The following FBXO38 variants were observed in gnomAD, a reference collection of about 807,000 sequenced individuals.
The protein encoded by FBXO38 is F-box protein 38, also known as F-box only protein 38.
FBXO38 carries 53 observed loss-of-function variants against 131.9 expected under a neutral mutation model. The observed-to-expected ratio is 0.40, with a 90% confidence interval of 0.32 to 0.51. FBXO38 has a LOEUF of 0.51. Ranked by LOEUF, FBXO38 falls within the 20% of genes least tolerant of loss-of-function variation. The probability of loss-of-function intolerance (pLI) is 0.53; values close to 1 mark genes in which losing one functional copy is unlikely to be tolerated. For missense variants in FBXO38, 1,076 were observed against 1,475.6 expected (o/e 0.73, Z 4.44); for synonymous variants, 452 against 505.6 (o/e 0.89, Z 1.42).
intron 17 of FBXO38, chr5:148,434,601 A>G (rs1754236277): frequency 6.6e-6 from 1 of 152,194 alleles, no homozygotes; most frequent in African/African-American, 2.4e-5. Flanking sequence ...ATGTTTGTGT[A>G]TGTGTATGTA....
intron 1 of FBXO38, among the ~76,000 whole-genome samples, chr5:148,390,545 G>C (rs1758147879): frequency 6.6e-6 from 1 of 152,126 alleles, no homozygotes; most frequent in South Asian, 2.1e-4. Context: ...CTAAAATTTT[G>C]TCAGTCCTGC....
intron 15 of FBXO38, 33 bp downstream of exon 15, chr5:148,427,980 G>A (rs1330431210): frequency 6.8e-7 from 1 of 1,463,954 alleles, no homozygotes; most frequent in Non-Finnish European, 9.0e-7. Context: ...AGCAACTGCA[G>A]GGTAGGGCTG....
rs1378969220 is a variant in FBXO38, at chr5:148,416,982, G to A, written c.1408-12G>A. 2.5e-6 allele frequency: 4 copies of A among 1,604,918 alleles called. No homozygotes were observed. The highest frequency in any genetic ancestry group is 3.3e-5 in the Admixed American group (2 of 59,946). On this transcript the variant is annotated splice_polypyrimidine_tract_variant and intron_variant, in intron 11 of 21. Transcript: ENST00000340253. ...CAAATTAATAAACGTATGTGTTTTG[G>A]TTTTGCCTTAGGGTTGTGCTCGAGT...
intron 12 of FBXO38, among the ~76,000 whole-genome samples, chr5:148,418,635 A>G (rs150550033): frequency 6.6e-6 from 1 of 152,204 alleles, no homozygotes; most frequent in East Asian, 1.9e-4. Context: ...TATGGTACAT[A>G]GTACAGGTTA....
intron 4 of FBXO38, 39 bp from the exon 5 acceptor site, chr5:148,402,309 A>G (rs1752202985): frequency 1.3e-6 from 2 of 1,575,638 alleles, no homozygotes; most frequent in South Asian, 1.2e-5. Flanking sequence ...ATGCTAAACT[A>G]AAGTCTTTTC....
chr5:148,408,487 T>C (rs1752562650), intron 7 of FBXO38, among the ~76,000 whole-genome samples: 1 of 152,222 alleles, frequency 6.6e-6, no homozygotes, highest in Non-Finnish European at 1.5e-5. Context: ...GGCAATAGAA[T>C]GGATAATTAA....
chr5:148,436,817 G>A (rs1176183657), intron 17 of FBXO38, among the ~76,000 whole-genome samples: 1 of 152,138 alleles, frequency 6.6e-6, no homozygotes, highest in African/African-American at 2.4e-5. Context: ...CTCTATCCCA[G>A]CCAATGTGGT....
chr5:148,435,848 T>C (rs1257410487), intron 17 of FBXO38, among the ~76,000 whole-genome samples: 3 of 152,202 alleles, frequency 2.0e-5, no homozygotes, highest in Non-Finnish European at 4.4e-5. Context: ...TGTAGTGTTA[T>C]TAATTGGCCT....
rs183680532 is a variant in FBXO38 at position 148,417,130 on chromosome 5, A to G, written c.1544A>G (p.His515Arg). Residue 515 changes from histidine to arginine, a missense_variant, in exon 12 of 22, where the codon CAT becomes CGT. Physicochemically the swap from His to Arg is conservative, Grantham distance 29 (BLOSUM62 0). Around this residue, in one of 8 missense-constraint regions of FBXO38, gnomAD observed 212 missense variants for 221.2 expected, o/e 0.96. Coordinates refer to ENST00000340253, the MANE Select transcript of FBXO38 (RefSeq NM_205836.3). Reference sequence around the variant, plus strand: ...AACATCCACGACAACAATCACCATCATCCAGATGACTCAGACGAGGAGAAT... The same window carrying G: ...AACATCCACGACAACAATCACCATCGTCCAGATGACTCAGACGAGGAGAAT... ...NANIHDNNHH[H>R]PDDSDEENDF... is the part of the protein sequence containing the mutation. The G allele has an allele frequency of 6.2e-7, 1 of 1,613,934 alleles. No individual in the cohort carries two copies. Among genetic ancestry groups the G allele is most frequent in the Non-Finnish European group, 8.5e-7 (1 of 1,179,838 alleles).
intron 10 of FBXO38, 123 bp from the exon 11 acceptor site, chr5:148,415,805 G>A: frequency 9.9e-7 from 1 of 1,011,176 alleles, no homozygotes; most frequent in South Asian, 1.6e-5. Flanking sequence ...TAGAAGTCAT[G>A]AAAAAAAGGA....
rs546335162 is a variant in FBXO38 at position 148,406,314 on chromosome 5, A to G, written c.788A>G (p.Asn263Ser). 3 of 1,610,782 alleles carry G rather than the reference A, an allele frequency of 1.9e-6. No homozygotes were observed. In the East Asian group the frequency reaches 6.7e-5, roughly 36 times the overall value. The change falls in exon 7 of 22, where the codon AAC becomes AGC. Residue 263 changes from asparagine (N) to serine (S), a missense_variant. This residue lies in a region of FBXO38 where 66 missense variants were observed against 72.4 expected (regional missense o/e 0.91). Coordinates refer to ENST00000340253, the MANE Select transcript of FBXO38 (RefSeq NM_205836.3). ...GTAACAGGCTTAGCCTCTGCCCGAAACTTGGAACACTTAGAAATGGTTCGA... is the reference window on the plus strand; with the variant it reads ...GTAACAGGCTTAGCCTCTGCCCGAAGCTTGGAACACTTAGAAATGGTTCGA... Reference protein sequence around the residue: ...PLVTGLASARNLEHLEMVRVP... With the variant: ...PLVTGLASARSLEHLEMVRVP...
intron 7 of FBXO38, among the ~76,000 whole-genome samples, chr5:148,406,823 A>G (rs1350735620): frequency 6.6e-6 from 1 of 152,192 alleles, no homozygotes; most frequent in East Asian, 1.9e-4. Context: ...AAATACTTTT[A>G]TACATATTAC....
intron 15 of FBXO38, among the ~76,000 whole-genome samples, chr5:148,432,478 A>T: frequency 6.6e-6 from 1 of 152,172 alleles, no homozygotes; most frequent in East Asian, 1.9e-4. Flanking sequence ...CCCATTTAAC[A>T]CTGTGGCAAG....
intron 3 of FBXO38, 74 bp downstream of exon 3, chr5:148,399,206 C>A: frequency 6.5e-7 from 1 of 1,541,380 alleles, no homozygotes; most frequent in South Asian, 1.2e-5. Flanking sequence ...TAAAAAGTTA[C>A]TTGTTGTCTT....
At chr5:148,436,335 G>A (rs1754347036) in intron 17 of FBXO38, among the ~76,000 whole-genome samples, 1 of 152,184 alleles carries the variant, frequency 6.6e-6, no homozygotes, top group Non-Finnish European at 1.5e-5. Context: ...TTTGTATTAT[G>A]TTAGTGCACG....
In FBXO38 at chr5:148,425,711, T is replaced by G; in HGVS notation, c.1918+10T>G. On this transcript the variant is annotated intron_variant, in intron 14 of 21. Coordinates refer to ENST00000340253, the MANE Select transcript of FBXO38 (RefSeq NM_205836.3). ...TCCAGAGAATTGTCAGGTGAGAAAT[T>G]GTCTTTCTCTGAACTATTAATGAGA... The G allele has an allele frequency of 6.2e-7, 1 of 1,610,278 alleles. No individual in the cohort carries two copies. Among genetic ancestry groups the G allele is most frequent in the Non-Finnish European group, 8.5e-7 (1 of 1,177,696 alleles).
Position 148,394,724 on chromosome 5 carries a change from C to T in FBXO38, c.-53C>T. 6.9e-7 allele frequency: 1 copy of T among 1,447,236 alleles called. No homozygotes were observed. The highest frequency in any genetic ancestry group is 9.1e-7 in the Non-Finnish European group (1 of 1,096,246). 89.6% of individuals were successfully genotyped at this position (1,447,236 alleles called of 1,614,324 possible). A position where few individuals can be genotyped will look rare whatever the true frequency, so the allele number is the denominator to read the frequency against. On this transcript the variant is annotated 5_prime_UTR_variant, in exon 2 of 22. Coordinates refer to ENST00000340253, the MANE Select transcript of FBXO38 (RefSeq NM_205836.3). ...CTGTTTGCTTTTCAGGTACTTTGAA[C>T]TCAAGTAAACAAAAGGGAAGATTTT...
rs1326533452 is a variant in FBXO38, at chr5:148,409,294, A to ATG, written c.962+85_962+86dup. On this transcript the variant is annotated intron_variant, in intron 8 of 21. Transcript: ENST00000340253. ...TCCCTATTTTACAAAAAATTGTGGA[A>ATG]TGTGTGTGTATATATGTGTGTACAT... The ATG allele has an allele frequency of 5.4e-6, 5 of 929,988 alleles. No individual in the cohort carries two copies. In the African/African-American group the frequency reaches 6.5e-5, roughly 12 times the overall value. The allele number at this position is 929,988 out of a possible 1,614,324, so 57.6% of individuals were successfully genotyped here.
intron 9 of FBXO38, among the ~76,000 whole-genome samples, chr5:148,411,296 C>A (rs184933139): frequency 6.6e-6 from 1 of 152,118 alleles, no homozygotes; most frequent in African/African-American, 2.4e-5. Flanking sequence ...CATTTTCTTA[C>A]CCATTTACAA....
Sources: allele counts gnomAD v4.1 joint callset (sites outside exome capture counted in the v4.1 genomes callset), GRCh38; gene constraint gnomAD v4.1.1; regional missense constraint gnomAD v4.1.1; transcripts MANE v1.5; gene names NCBI Gene and HGNC (gene_info 2026-07-23, HGNC 2026-07-21).